The following HPSE2 variants were observed in gnomAD, a reference collection of about 807,000 sequenced individuals.
HPSE2 encodes inactive heparanase-2.
A neutral mutation model predicts 60.5 loss-of-function variants in HPSE2; 38 were observed. The observed-to-expected ratio is 0.63, with a 90% CI of 0.48 to 0.82. HPSE2 has a LOEUF of 0.82. HPSE2 is among the 40% of genes least tolerant of loss of function. The pLI is 0.00. For synonymous variants in HPSE2, 295 were observed against 293.2 expected (o/e 1.01, Z -0.06); for missense variants, 713 against 740.4 (o/e 0.96, Z 0.43).
intron 9 of HPSE2, among the ~76,000 whole-genome samples, chr10:98,528,778 G>A (rs1286294047): frequency 6.6e-6 from 1 of 152,198 alleles, no homozygotes; most frequent in African/African-American, 2.4e-5. Context: ...CAAGTGATTG[G>A]GAAGCAGCAG....
chr10:99,234,194 A>G lies in HPSE2; in HGVS notation c.290+1319T>C, dbSNP rs1302659390. The stretch of plus-strand genomic sequence containing the variant: ...GTTCCGCCCTCGCGGCAACCGCACC[A>G]ACAGGAACCGAAACGGCCTCGGCAA... On this transcript the variant is annotated intron_variant, in intron 1 of 11. Coordinates refer to ENST00000370552, the MANE Select transcript of HPSE2 (RefSeq NM_021828.5). Among the ~76,000 whole-genome samples, 4 of 152,294 alleles carry G rather than the reference A, an allele frequency of 2.6e-5. No homozygotes were observed. In the East Asian group the frequency reaches 7.8e-4, roughly 30 times the overall value.
At chr10:98,879,881 G>GTC (rs1419736159) in intron 3 of HPSE2, among the ~76,000 whole-genome samples, 3 of 151,382 alleles carry the variant, frequency 2.0e-5, no homozygotes, top group Non-Finnish European at 4.4e-5. Flanking sequence ...GTGTGTGTGT[G>GTC]TGTGTGATGT....
intron 3 of HPSE2, among the ~76,000 whole-genome samples, chr10:98,973,996 A>G (rs1379569177): frequency 6.6e-6 from 1 of 152,194 alleles, no homozygotes; most frequent in African/African-American, 2.4e-5. Context: ...ATGATCAAAT[A>G]GAATGATTTG....
intron 2 of HPSE2, among the ~76,000 whole-genome samples, chr10:99,147,110 T>C (rs2135786619): frequency 6.6e-6 from 1 of 152,290 alleles, no homozygotes; most frequent in East Asian, 1.9e-4. Flanking sequence ...ATTGCCTCTA[T>C]CTTAAATACG....
At chr10:99,196,361 T>A (rs1269598520) in intron 2 of HPSE2, among the ~76,000 whole-genome samples, 1 of 151,950 alleles carries the variant, frequency 6.6e-6, no homozygotes, top group Non-Finnish European at 1.5e-5. Flanking sequence ...ATACCCTGGA[T>A]CACATCAAGT....
At position 98,635,892 on chromosome 10, in the gene HPSE2, T is replaced by C. The variant is rs138917878; in HGVS notation, c.1098+5955A>G. On this transcript the variant is annotated intron_variant, in intron 7 of 11. Coordinates refer to ENST00000370552, the MANE Select transcript of HPSE2 (RefSeq NM_021828.5). ...TCATTTGAGGCAACATGAATGAGCC[T>C]GGAGGACATTTGTTTAGGTGAAATA... Among the ~76,000 whole-genome samples, 206 of 152,002 alleles carry C rather than the reference T, an allele frequency of 1.4e-3. 3 individuals are homozygous for C. Among genetic ancestry groups the C allele is most frequent in the African/African-American group, 4.8e-3 (198 of 41,438 alleles).
chr10:99,070,504 A>G (rs1436566439), intron 3 of HPSE2, among the ~76,000 whole-genome samples: 1 of 152,224 alleles, frequency 6.6e-6, no homozygotes, highest in Non-Finnish European at 1.5e-5. Context: ...TTTTTATTGT[A>G]GTAAGAACAT....
rs533101011 is a variant in HPSE2, at chr10:98,616,837, C to T, written c.1206-1819G>A. ...CATGGCTAAGCAAGCTACTTGCCTT[C>T]ATAATTTTTATTAATTTGGTAATCC... is the stretch of plus-strand genomic sequence containing the variant. On this transcript the variant is annotated intron_variant, in intron 8 of 11. Transcript: ENST00000370552. 2.6e-4 allele frequency among the ~76,000 whole-genome samples: 40 copies of T among 152,238 alleles called. 2 individuals carry two copies. The South Asian group carries it at 8.3e-3, about 32-fold the overall frequency.
intron 4 of HPSE2, among the ~76,000 whole-genome samples, chr10:98,739,079 C>T (rs1194672936): frequency 6.6e-6 from 1 of 152,100 alleles, no homozygotes; most frequent in Non-Finnish European, 1.5e-5. Context: ...ACCCAAATGC[C>T]CGTCAGTGAT....
At chr10:99,196,081 A>C (rs1848388182) in intron 2 of HPSE2, among the ~76,000 whole-genome samples, 1 of 152,138 alleles carries the variant, frequency 6.6e-6, no homozygotes, top group Non-Finnish European at 1.5e-5. Flanking sequence ...ATTTTCAACA[A>C]AGGTACAAAG....
At chr10:99,128,916 T>C (rs1845273053) in intron 3 of HPSE2, among the ~76,000 whole-genome samples, 2 of 151,780 alleles carry the variant, frequency 1.3e-5, no homozygotes, top group Admixed American at 1.3e-4. Flanking sequence ...ACCTAACACA[T>C]AACAACTCAC....
At chr10:98,589,250 A>G (rs1427568419) in intron 9 of HPSE2, among the ~76,000 whole-genome samples, 1 of 152,204 alleles carries the variant, frequency 6.6e-6, no homozygotes, top group Non-Finnish European at 1.5e-5. Context: ...CCGAGGGCTC[A>G]TCACCTGGCT....
chr10:98,950,014 A>G (rs1955307282), intron 3 of HPSE2, among the ~76,000 whole-genome samples: 1 of 152,164 alleles, frequency 6.6e-6, no homozygotes, highest in Admixed American at 6.5e-5. Flanking sequence ...ATCTTCAGGA[A>G]CAGCTGATTC....
intron 3 of HPSE2, among the ~76,000 whole-genome samples, chr10:98,813,206 A>G (rs536726838): frequency 4.1e-4 from 62 of 152,162 alleles, no homozygotes; most frequent in Non-Finnish European, 7.9e-4. Flanking sequence ...AACAACTAAT[A>G]TGAATTATCA....
the HPSE2 span, among the ~76,000 whole-genome samples, chr10:99,278,823 G>A: frequency 2.0e-5 from 3 of 152,172 alleles, no homozygotes; most frequent in African/African-American, 7.2e-5. Context: ...TGTAAAAGTA[G>A]CTGTCACACA....
intron 6 of HPSE2, among the ~76,000 whole-genome samples, chr10:98,689,387 T>A (rs2134158984): frequency 6.6e-6 from 1 of 152,326 alleles, no homozygotes; most frequent in East Asian, 1.9e-4. Flanking sequence ...GCCCATCCAA[T>A]GAGTTTCCAT....
At chr10:99,234,608 C>T (rs1849778314) in intron 1 of HPSE2, among the ~76,000 whole-genome samples, 1 of 152,138 alleles carries the variant, frequency 6.6e-6, no homozygotes, top group South Asian at 2.1e-4. Flanking sequence ...TGCCTAACTG[C>T]CAAACTGCAA....
intron 3 of HPSE2, among the ~76,000 whole-genome samples, chr10:98,982,247 T>C (rs778801295): frequency 3.3e-5 from 5 of 152,152 alleles, no homozygotes; most frequent in Admixed American, 2.0e-4. Context: ...CCCAAAGAGA[T>C]GCTCTCTTGT....
intron 11 of HPSE2, among the ~76,000 whole-genome samples, chr10:98,462,770 C>T (rs1375681312): frequency 2.6e-5 from 4 of 152,116 alleles, no homozygotes; most frequent in Admixed American, 2.0e-4. Context: ...TGCACTCCTC[C>T]CAGGTTGCTG....
Sources: gnomAD v4.1 joint callset for allele counts (sites outside exome capture counted in the v4.1 genomes callset) on GRCh38, gnomAD v4.1.1 for gene constraint, MANE v1.5 for transcripts, NCBI Gene and HGNC (gene_info 2026-07-23, HGNC 2026-07-21) for gene names.